The following TBL1X variants were observed in gnomAD, a reference collection of about 807,000 sequenced individuals.
TBL1X encodes the protein F-box-like/WD repeat-containing protein TBL1X.
Under a neutral mutation model 50.7 loss-of-function variants are expected in TBL1X, and 10 were observed. The ratio of observed to expected loss-of-function variants is 0.20; its 90% CI spans 0.12 to 0.33. The LOEUF is 0.33. Among genes scored for constraint, TBL1X ranks in the 10% least tolerant of loss-of-function variants. The probability of loss-of-function intolerance (pLI) is 1.00; values close to 1 mark genes in which losing one functional copy is unlikely to be tolerated. For missense variants in TBL1X, 340 were observed against 504.4 expected, an observed-to-expected ratio of 0.67 and a Z score of 3.12; for synonymous variants, 190 against 214.7, an observed-to-expected ratio of 0.88 and a Z score of 1.01.
chrX:9,651,393 G>A (rs1396692856), intron 3 of TBL1X, among the ~76,000 whole-genome samples: 1 of 111,512 alleles, frequency 9.0e-6, no homozygotes, highest in African/African-American at 3.3e-5. Flanking sequence ...GTAACCCTTC[G>A]TAGCAACCAG....
At chrX:9,499,096 G>A (rs916413286) in intron 1 of TBL1X, among the ~76,000 whole-genome samples, 2 of 111,764 alleles carry the variant, frequency 1.8e-5, no homozygotes, top group African/African-American at 6.5e-5. Flanking sequence ...GCTGAATAGT[G>A]GACAGCCCTG....
chrX:9,665,539 A>ATATATATAC (rs3043954), intron 5 of TBL1X, among the ~76,000 whole-genome samples: 1 of 62,919 alleles, frequency 1.6e-5, no homozygotes, highest in Non-Finnish European at 2.8e-5. Flanking sequence ...ATATATATAT[A>ATATATATAC]AAAGGCCTTG....
chrX:9,678,373 A>G (rs956627967), intron 5 of TBL1X, among the ~76,000 whole-genome samples: 2 of 111,828 alleles, frequency 1.8e-5, no homozygotes, highest in Admixed American at 9.5e-5. Context: ...TAGACAACAC[A>G]TCAACTCATG....
intron 1 of TBL1X, among the ~76,000 whole-genome samples, chrX:9,500,884 T>C (rs1490423007): frequency 8.9e-6 from 1 of 111,917 alleles, no homozygotes; most frequent in Non-Finnish European, 1.9e-5. Flanking sequence ...CAGTTTTGGT[T>C]GTGACACTGG....
intron 5 of TBL1X, among the ~76,000 whole-genome samples, chrX:9,680,752 C>T (rs746202706): frequency 8.9e-6 from 1 of 111,912 alleles, no homozygotes; most frequent in Non-Finnish European, 1.9e-5. Context: ...ATGGAATGCA[C>T]ATCTCCCAGG....
chrX:9,566,252 C>T (rs990471667), intron 2 of TBL1X, among the ~76,000 whole-genome samples: 9 of 111,877 alleles, frequency 8.0e-5, no homozygotes, highest in African/African-American at 2.6e-4. Flanking sequence ...GGCATTCCTC[C>T]GCCAGTCCTG....
chrX:9,619,966 G>T (rs979767808), intron 2 of TBL1X, among the ~76,000 whole-genome samples: 1 of 112,285 alleles, frequency 8.9e-6, no homozygotes, highest in Non-Finnish European at 1.9e-5. Context: ...TTTATTGTTA[G>T]ACCTCCCAGT....
At chrX:9,710,559 T>G (rs750838562) in intron 15 of TBL1X, among the ~76,000 whole-genome samples, 66 of 112,098 alleles carry the variant, frequency 5.9e-4, no homozygotes, top group African/African-American at 2.0e-3. Flanking sequence ...GCATAAATTA[T>G]CCTTTTAGTC....
intron 2 of TBL1X, among the ~76,000 whole-genome samples, chrX:9,587,192 G>A (rs775515294): frequency 8.0e-4 from 90 of 112,073 alleles, no homozygotes; most frequent in Admixed American, 6.7e-3. Flanking sequence ...CCTTCTGGTC[G>A]GATGGCAGGG....
intron 12 of TBL1X, among the ~76,000 whole-genome samples, chrX:9,699,490 G>C (rs1156700193): frequency 9.0e-6 from 1 of 111,673 alleles, no homozygotes; most frequent in Non-Finnish European, 1.9e-5. Context: ...GCTGTCCCTG[G>C]GGCATTGTCC....
At chrX:9,569,970 G>A (rs898411725) in intron 2 of TBL1X, among the ~76,000 whole-genome samples, 1 of 112,260 alleles carries the variant, frequency 8.9e-6, no homozygotes, top group Non-Finnish European at 1.9e-5. Flanking sequence ...CAGGCGTGGG[G>A]CGCAGTCCTG....
chrX:9,470,379 G>A (rs1196819184), intron 1 of TBL1X, among the ~76,000 whole-genome samples: 4 of 112,193 alleles, frequency 3.6e-5, no homozygotes, highest in Non-Finnish European at 3.8e-5. Context: ...CTCAGCCTCC[G>A]GAGAAGCTGG....
At chrX:9,486,597 C>G (rs770644712) in intron 1 of TBL1X, among the ~76,000 whole-genome samples, 6 of 107,744 alleles carry the variant, frequency 5.6e-5, no homozygotes, top group Admixed American at 1.0e-4. Context: ...ACACCCCCCC[C>G]CCACGCCCCC....
intron 1 of TBL1X, among the ~76,000 whole-genome samples, chrX:9,472,434 T>TC (rs2081821601): frequency 1.7e-5 from 1 of 60,030 alleles, no homozygotes; most frequent in Non-Finnish European, 3.2e-5. Flanking sequence ...TTTTTTTTTT[T>TC]CTTTCTTTTT....
intron 16 of TBL1X, 141 bp downstream of exon 16, chrX:9,711,917 C>T: frequency 1.7e-6 from 1 of 600,389 alleles, no homozygotes; most frequent in Non-Finnish European, 2.4e-6. Context: ...TGGATGCTGT[C>T]CACGTGCACC....
At chrX:9,606,468 AAGT>A (rs1190105829) in intron 2 of TBL1X, among the ~76,000 whole-genome samples, 1 of 111,561 alleles carries the variant, frequency 9.0e-6, no homozygotes, top group Non-Finnish European at 1.9e-5. Context: ...GTTCATTAGA[AAGT>A]AGTGTTACTG....
intron 2 of TBL1X, among the ~76,000 whole-genome samples, chrX:9,581,419 T>C (rs980261747): frequency 5.4e-5 from 6 of 111,850 alleles, no homozygotes; most frequent in African/African-American, 1.6e-4. Context: ...AGTTCAGGCA[T>C]GGCTCTCCAG....
At chrX:9,577,693 G>A (rs779944757) in intron 2 of TBL1X, among the ~76,000 whole-genome samples, 2 of 111,965 alleles carry the variant, frequency 1.8e-5, no homozygotes, top group African/African-American at 6.5e-5. Context: ...CTATTCCGAA[G>A]ACCAGCAGTC....
chrX:9,554,687 C>G (rs1186440214), intron 2 of TBL1X, among the ~76,000 whole-genome samples: 2 of 112,333 alleles, frequency 1.8e-5, no homozygotes, highest in Non-Finnish European at 3.8e-5. Flanking sequence ...TATATACACA[C>G]ATACATAAAT....
Sources: allele counts gnomAD v4.1 joint callset (sites outside exome capture counted in the v4.1 genomes callset), GRCh38; gene constraint gnomAD v4.1.1; transcripts MANE v1.5; gene names NCBI Gene and HGNC (gene_info 2026-07-23, HGNC 2026-07-21).